The following ADGRF4 variants were observed in gnomAD, a reference collection of about 807,000 sequenced individuals.
ADGRF4 encodes G-protein coupled receptor PGR18.
A neutral mutation model predicts 58.5 loss-of-function variants in ADGRF4; 63 were observed. That is an observed-to-expected ratio of 1.08 (90% confidence interval 0.88 to 1.33). The LOEUF (loss-of-function observed/expected upper bound fraction) is 1.33. ADGRF4 is among the 40% of genes most tolerant of loss of function. The pLI, the probability that ADGRF4 is intolerant of heterozygous loss-of-function variation, is 0.00. For missense variants in ADGRF4, 931 were observed against 843.9 expected (o/e 1.10, Z -1.28); for synonymous variants, 313 against 295.4 (o/e 1.06, Z -0.61).
chr6:47,714,234 A>G lies in ADGRF4; in HGVS notation c.989A>G (p.Gln330Arg). The G allele has an allele frequency of 6.2e-7, 1 of 1,614,194 alleles. No homozygotes were observed. Among genetic ancestry groups the G allele is most frequent in the Middle Eastern group, 1.6e-4 (1 of 6,062 alleles). ...VLSVVLPERLQEIILTFEKIN... is the reference protein window; with the variant it reads ...VLSVVLPERLREIILTFEKIN... ...TCAGTGGTTTTACCAGAAAGGTTGC[A>G]AGAAATCATACTCACCTTCGAAAAG... The change falls in exon 6 of 10, where the codon CAA becomes CGA. Residue 330 changes from glutamine (Q) to arginine (R), a missense_variant. Transcript: ENST00000283303.
chr6:47,704,326 C>T lies in ADGRF4; in HGVS notation c.-16-2904C>T, dbSNP rs376734848. ...GATTACAGGGATGAGCCACTGCACC[C>T]GGCAGCAGGTGCTATTCTTTACAAA... On this transcript the variant is annotated intron_variant, in intron 1 of 9. Coordinates refer to ENST00000283303, the MANE Select transcript of ADGRF4 (RefSeq NM_153838.5). Among the ~76,000 whole-genome samples the T allele has an allele frequency of 1.2e-4, 19 of 152,140 alleles. No individual in the cohort carries two copies. In the East Asian group the frequency reaches 1.9e-3, roughly 16 times the overall value.
intron 3 of ADGRF4, among the ~76,000 whole-genome samples, chr6:47,710,499 A>G (rs1771834360): frequency 6.6e-6 from 1 of 152,038 alleles, no homozygotes; most frequent in Non-Finnish European, 1.5e-5. Flanking sequence ...GGTGCTCTGG[A>G]CTAGCCTTTC....
intron 9 of ADGRF4, among the ~76,000 whole-genome samples, chr6:47,720,585 G>T (rs1772135014): frequency 1.3e-5 from 2 of 152,150 alleles, no homozygotes; most frequent in Non-Finnish European, 2.9e-5. Context: ...TTAGCTTTGG[G>T]TATAGATTCT....
At chr6:47,702,065 C>T (rs1279111890) in intron 1 of ADGRF4, among the ~76,000 whole-genome samples, 1 of 152,184 alleles carries the variant, frequency 6.6e-6, no homozygotes, top group Non-Finnish European at 1.5e-5. Flanking sequence ...TCTCAAACTC[C>T]TGGTCTTAGG....
rs75378545 is a variant in ADGRF4, at chr6:47,699,055, C to T, written c.-17+261C>T. Among the ~76,000 whole-genome samples, 4 of 152,212 alleles carry T rather than the reference C, an allele frequency of 2.6e-5. No homozygotes were observed. In the East Asian group the frequency reaches 7.7e-4, roughly 29 times the overall value. On this transcript the variant is annotated intron_variant, in intron 1 of 9. Transcript: ENST00000283303. ...TCCTAGGAGTGAAAATGCAAAGTAT[C>T]CTGTCAGGCAAATAAACTCACTGTC... is the stretch of plus-strand genomic sequence containing the variant.
chr6:47,701,943 A>C (rs1771598141), intron 1 of ADGRF4, among the ~76,000 whole-genome samples: 1 of 152,106 alleles, frequency 6.6e-6, no homozygotes, highest in Non-Finnish European at 1.5e-5. Flanking sequence ...AAGCGATTTG[A>C]TTCTCCTGCT....
chr6:47,703,090 A>G (rs1325584696), intron 1 of ADGRF4, among the ~76,000 whole-genome samples: 1 of 152,168 alleles, frequency 6.6e-6, no homozygotes, highest in Non-Finnish European at 1.5e-5. Flanking sequence ...GAGACCACTC[A>G]CTACATATAG....
rs1771976341 is a variant in ADGRF4 at position 47,714,967 on chromosome 6, G to A, written c.1722G>A (p.Leu574=). ...CGTTCGTCATTGTGGCTGTAAATCT[G>A]ATTGTGGTTTTGGTTGTTGCTGTCA... ...IPAFVIVAVN[L]IVVLVVAVNT... The change falls in exon 6 of 10, where the codon CTG becomes CTA. Residue 574 remains leucine (L), a synonymous_variant. Transcript: ENST00000283303. 1 of 1,613,606 alleles carries A rather than the reference G, an allele frequency of 6.2e-7. No individual in the cohort carries two copies. Among genetic ancestry groups the A allele is most frequent in the Admixed American group, 1.7e-5 (1 of 60,000 alleles).
intron 1 of ADGRF4, among the ~76,000 whole-genome samples, chr6:47,703,329 T>C (rs1329531): frequency 0.83 from 126,581 of 152,232 alleles, 53,095 homozygotes; most frequent in Middle Eastern, 0.9. Flanking sequence ...ATTCTCAGAA[T>C]CCTTAAGCTC....
At chr6:47,708,140 TC>T in intron 2 of ADGRF4, 83 bp from the exon 3 acceptor site, 1 of 986,318 alleles carries the variant, frequency 1.0e-6, no homozygotes, top group Admixed American at 2.0e-5. Flanking sequence ...CATTTTCTTT[TC>T]ATATTCATAT....
intron 9 of ADGRF4, among the ~76,000 whole-genome samples, chr6:47,720,748 A>C (rs1261472339): frequency 1.3e-5 from 2 of 152,212 alleles, no homozygotes. Context: ...GGGTTCCTCC[A>C]GTGTCTTGCA....
rs1771772042 is a variant in ADGRF4, at chr6:47,708,304, T to C, written c.148+26T>C. On this transcript the variant is annotated intron_variant, in intron 3 of 9. Transcript: ENST00000283303. ...GTATGTGGCTATAGAACAGTCTTCA[T>C]CCATTTGAAGACAGGGAAGAATAAA... 1.0e-5 allele frequency: 16 copies of C among 1,560,324 alleles called. 1 individual carries two copies. Among genetic ancestry groups the C allele is most frequent in the Middle Eastern group, 3.4e-4 (2 of 5,932 alleles).
rs1443887359 is a variant in ADGRF4, at chr6:47,713,900, A to G, written c.655A>G (p.Asn219Asp). The G allele has an allele frequency of 6.2e-7, 1 of 1,609,466 alleles. No homozygotes were observed. The highest frequency in any genetic ancestry group is 1.7e-5 in the Admixed American group (1 of 59,080). The change falls in exon 6 of 10, where the codon AAT becomes GAT. Residue 219 changes from asparagine to aspartate, a missense_variant. By Grantham distance (23) the Asn-to-Asp change is conservative. Transcript: ENST00000283303. ...CAGCTCGGATTTGTTGCAGTCAGTG[A>G]ATTTGTTTGCCAGACAACTCCACAT... ...NASSDLLQSV[N>D]LFARQLHIHN... is the part of the protein sequence containing the mutation.
In ADGRF4 at chr6:47,710,846, C is replaced by A; in HGVS notation, c.260C>A (p.Ala87Asp). 3.1e-6 allele frequency: 5 copies of A among 1,613,950 alleles called. No homozygotes were observed. Among genetic ancestry groups the A allele is most frequent in the Non-Finnish European group, 4.2e-6 (5 of 1,179,946 alleles). Residue 87 changes from alanine (A) to aspartate (D), a missense_variant, in exon 4 of 10, where the codon GCT becomes GAT. Ala to Asp is a moderately radical substitution (Grantham distance 126, BLOSUM62 -2). Transcript: ENST00000283303. ...TCNQKKWQKS[A>D]ETCTSLSVEK... Reference sequence around the variant, plus strand: ...AATCAAAAAAAGTGGCAAAAATCAGCTGAAACATGTACAAGCCTTTCTGTG... The same window carrying A: ...AATCAAAAAAAGTGGCAAAAATCAGATGAAACATGTACAAGCCTTTCTGTG...
intron 9 of ADGRF4, among the ~76,000 whole-genome samples, chr6:47,719,998 G>C (rs1772118655): frequency 1.3e-5 from 2 of 152,176 alleles, no homozygotes; most frequent in South Asian, 4.1e-4. Flanking sequence ...AAGTGGCTCT[G>C]TGCCTATTGA....
chr6:47,706,575 A>G (rs1468054126), intron 1 of ADGRF4, among the ~76,000 whole-genome samples: 1 of 152,232 alleles, frequency 6.6e-6, no homozygotes, highest in Non-Finnish European at 1.5e-5. Flanking sequence ...TGCTACTGGC[A>G]TCTATTGGGT....
intron 9 of ADGRF4, among the ~76,000 whole-genome samples, chr6:47,720,061 A>C (rs897778120): frequency 6.6e-6 from 1 of 152,214 alleles, no homozygotes; most frequent in South Asian, 2.1e-4. Context: ...ACATGGTACC[A>C]GAAGGGCTCT....
chr6:47,717,170 A>G, intron 7 of ADGRF4, 122 bp from the exon 8 acceptor site: 2 of 760,726 alleles, frequency 2.6e-6, no homozygotes, highest in Non-Finnish European at 4.8e-6. Flanking sequence ...CTTGCCAGTC[A>G]CTATGCTAAG....
chr6:47,714,457 C>T lies in ADGRF4; in HGVS notation c.1212C>T (p.Ile404=), dbSNP rs766107432. 1 of 1,614,148 alleles carries T rather than the reference C, an allele frequency of 6.2e-7. No individual in the cohort carries two copies. The highest frequency in any genetic ancestry group is 1.7e-5 in the Admixed American group (1 of 60,018). The change falls in exon 6 of 10, where the codon ATC becomes ATT. Residue 404 remains isoleucine, a synonymous_variant. Transcript: ENST00000283303. The part of the protein sequence containing the change: ...KSMTDKVLDY[I]TCIGLSVSIL... ...TGACCGACAAAGTTCTGGACTACAT[C>T]ACCTGCATTGGGCTCAGCGTCTCAA...
Sources: allele counts gnomAD v4.1 joint callset (sites outside exome capture counted in the v4.1 genomes callset), GRCh38; gene constraint gnomAD v4.1.1; transcripts MANE v1.5; gene names NCBI Gene and HGNC (gene_info 2026-07-23, HGNC 2026-07-21).